The following CEP85L variants were observed in gnomAD, a reference collection of about 807,000 sequenced individuals.
CEP85L encodes the protein centrosomal protein 85L.
A neutral mutation model predicts 100.3 loss-of-function variants in CEP85L; 60 were observed. The ratio of observed to expected loss-of-function variants is 0.60; its 90% CI spans 0.49 to 0.74. The LOEUF (loss-of-function observed/expected upper bound fraction) is 0.74, where lower values mean the gene tolerates loss of function less well. CEP85L is among the 30% of genes least tolerant of loss of function. The pLI is 0.00. For missense variants in CEP85L, 973 were observed against 936.2 expected, an observed-to-expected ratio of 1.04 and a Z score of -0.51; for synonymous variants, 319 against 322.7, an observed-to-expected ratio of 0.99 and a Z score of 0.12.
At chr6:118,523,993 C>A (rs1582974167) in intron 3 of CEP85L, 73 bp from the exon 4 acceptor site, 1 of 589,504 alleles carries the variant, frequency 1.7e-6, no homozygotes, top group Non-Finnish European at 2.7e-6. Flanking sequence ...TCATATTTTC[C>A]CAAAGATTTA....
At chr6:118,568,240 TG>T (rs1444245188) in intron 2 of CEP85L, among the ~76,000 whole-genome samples, 1 of 152,220 alleles carries the variant, frequency 6.6e-6, no homozygotes, top group East Asian at 1.9e-4. Context: ...AGCTTAGTGG[TG>T]GAAGACTGAC....
At chr6:118,574,974 T>A (rs984847483) in intron 2 of CEP85L, among the ~76,000 whole-genome samples, 1 of 150,856 alleles carries the variant, frequency 6.6e-6, no homozygotes, top group Non-Finnish European at 1.5e-5. Context: ...TCCAGTTGGT[T>A]GGGGGGCGGG....
intron 3 of CEP85L, among the ~76,000 whole-genome samples, chr6:118,527,083 G>A (rs9374737): frequency 1.4e-5 from 2 of 140,102 alleles, no homozygotes; most frequent in Non-Finnish European, 3.0e-5. Flanking sequence ...TGGCGCGATA[G>A]AGCTCACCGC....
rs138807359 is a variant in CEP85L at position 118,692,453 on chromosome 6, C to T, written c.-28+17583G>A. Among the ~76,000 whole-genome samples, 6 of 152,100 alleles carry T rather than the reference C, an allele frequency of 3.9e-5. No homozygotes were observed. In the East Asian group the frequency reaches 9.7e-4, roughly 25 times the overall value. On this transcript the variant is annotated intron_variant, in intron 1 of 13. Coordinates refer to the CEP85L transcript ENST00000368488. ...AGCAGGTGATACAGTCAAAATAATC[C>T]CTGAGGAGAGTGTTTCAAGCTAGTA...
rs187815444 is a variant in CEP85L at position 118,672,318 on chromosome 6, G to A, written c.-27-19510C>T. ...CTCCCAAAATGCTGGGATTGCAGGCGTGAGCCACTGCGCCAGGCTTGATAT... is the reference window on the plus strand; with the variant it reads ...CTCCCAAAATGCTGGGATTGCAGGCATGAGCCACTGCGCCAGGCTTGATAT... On this transcript the variant is annotated intron_variant, in intron 1 of 13. Coordinates refer to the CEP85L transcript ENST00000368488. Among the ~76,000 whole-genome samples the A allele has an allele frequency of 2.6e-3, 401 of 152,280 alleles. 2 individuals are homozygous for A. Among genetic ancestry groups the A allele is most frequent in the African/African-American group, 7.4e-3 (307 of 41,570 alleles).
chr6:118,573,130 G>A (rs192942118), intron 2 of CEP85L, among the ~76,000 whole-genome samples: 1 of 152,156 alleles, frequency 6.6e-6, no homozygotes, highest in East Asian at 1.9e-4. Context: ...CAGCTGCAGA[G>A]CAGGACTAAA....
At position 118,665,819 on chromosome 6, in the gene CEP85L, G is replaced by T. The variant is rs1377926577; in HGVS notation, c.-27-13011C>A. Among the ~76,000 whole-genome samples, 4 of 152,110 alleles carry T rather than the reference G, an allele frequency of 2.6e-5. No homozygotes were observed. In the South Asian group the frequency reaches 6.2e-4, roughly 24 times the overall value. On this transcript the variant is annotated intron_variant, in intron 1 of 13. Transcript: ENST00000368488. The stretch of plus-strand genomic sequence containing the variant: ...CTCACACACTGGTGAGAAATTCTCT[G>T]TTCCTCTCCACATCTCCAGGTTTCC...
intron 4 of CEP85L, among the ~76,000 whole-genome samples, chr6:118,518,776 T>C (rs1296048149): frequency 6.6e-6 from 1 of 152,224 alleles, no homozygotes; most frequent in African/African-American, 2.4e-5. Flanking sequence ...CTGCTAGCTT[T>C]TGAATTTGTT....
intron 3 of CEP85L, chr6:118,537,488 T>C (rs1777661625): frequency 1.0e-6 from 1 of 983,512 alleles, no homozygotes; most frequent in Non-Finnish European, 1.2e-6. Context: ...ACCCTAACCA[T>C]ATAGATTTAT....
chr6:118,614,133 A>T (rs1003782998), intron 2 of CEP85L, among the ~76,000 whole-genome samples: 27 of 152,360 alleles, frequency 1.8e-4, no homozygotes, highest in Admixed American at 1.2e-3. Context: ...AGAAAATCAT[A>T]AATCAATTCA....
chr6:118,577,069 T>C (rs778796715), intron 2 of CEP85L, among the ~76,000 whole-genome samples: 5 of 152,136 alleles, frequency 3.3e-5, no homozygotes, highest in Non-Finnish European at 5.9e-5. Flanking sequence ...CTGCTATTCC[T>C]AGAAGTGAAA....
intron 1 of CEP85L, 52 bp downstream of exon 1, chr6:118,651,145 C>T (rs1393821591): frequency 1.6e-5 from 23 of 1,459,734 alleles, no homozygotes; most frequent in Non-Finnish European, 1.9e-5. Context: ...TCCCGAGGCG[C>T]CGCGGTCGGC....
At chr6:118,589,283 T>G (rs1781043172) in intron 2 of CEP85L, 1 of 233,404 alleles carries the variant, frequency 4.3e-6, no homozygotes, top group Non-Finnish European at 9.6e-6. Flanking sequence ...AACTTTCATG[T>G]ACAATAAATG....
chr6:118,491,975 A>T, intron 5 of CEP85L, 110 bp from the exon 6 acceptor site: 1 of 632,072 alleles, frequency 1.6e-6, no homozygotes, highest in Non-Finnish European at 2.5e-6. Context: ...CTACATGAAC[A>T]GACACACCTT....
intron 2 of CEP85L, among the ~76,000 whole-genome samples, chr6:118,608,964 C>T (rs542815232): frequency 3.9e-5 from 6 of 152,256 alleles, no homozygotes; most frequent in South Asian, 2.1e-4. Context: ...CAAACCTAAT[C>T]CTAGGCTTAT....
At chr6:118,502,936 C>T (rs1582926250) in intron 5 of CEP85L, 1 of 408,572 alleles carries the variant, frequency 2.4e-6, no homozygotes, top group East Asian at 4.5e-5. Flanking sequence ...GGAGTTGAGG[C>T]CACCTGGTAT....
chr6:118,544,107 CTGAGATA>C (rs1218991687), intron 3 of CEP85L, among the ~76,000 whole-genome samples: 2 of 152,110 alleles, frequency 1.3e-5, no homozygotes, highest in African/African-American at 2.4e-5. Flanking sequence ...GCTCAAAGGG[CTGAGATA>C]TCAACCACAA....
rs1302830811 is a variant in CEP85L at position 118,507,836 on chromosome 6, C to T, written c.1257+3462G>A. ...CCTGGCCAGGCTTTTGGAAGATTAG[C>T]TTCTATGTTCATAGCTGGGGTTCCC... is the stretch of plus-strand genomic sequence containing the variant. On this transcript the variant is annotated intron_variant, in intron 5 of 12. Coordinates refer to ENST00000368491, the MANE Select transcript of CEP85L (RefSeq NM_001042475.3). 3.9e-5 allele frequency among the ~76,000 whole-genome samples: 6 copies of T among 152,092 alleles called. No homozygotes were observed. The East Asian group carries it at 1.2e-3, about 29-fold the overall frequency.
At chr6:118,614,124 G>A (rs1247897374) in intron 2 of CEP85L, among the ~76,000 whole-genome samples, 8 of 152,036 alleles carry the variant, frequency 5.3e-5, no homozygotes, top group Middle Eastern at 3.4e-3. Flanking sequence ...AACTAAAGAA[G>A]AAAATCATAA....
Sources: gnomAD v4.1 joint callset for allele counts (sites outside exome capture counted in the v4.1 genomes callset) on GRCh38, gnomAD v4.1.1 for gene constraint, MANE v1.5 for transcripts, NCBI Gene and HGNC (gene_info 2026-07-23, HGNC 2026-07-21) for gene names.